The following AHCY variants were observed in gnomAD, a reference collection of about 807,000 sequenced individuals.
AHCY encodes the protein S-adenosyl-L-homocysteine hydrolase.
A neutral mutation model predicts 45.4 loss-of-function variants in AHCY; 24 were observed. The observed-to-expected ratio is 0.53, with a 90% CI of 0.38 to 0.74. The LOEUF is 0.74. Ranked by LOEUF, AHCY falls within the 30% of genes least tolerant of loss-of-function variation. The pLI is 0.00. For missense variants in AHCY, 449 were observed against 594.1 expected (o/e 0.76, Z 2.54); for synonymous variants, 245 against 235.1 (o/e 1.04, Z -0.39).
the AHCY span, among the ~76,000 whole-genome samples, chr20:34,239,837 C>T: frequency 6.6e-6 from 1 of 152,216 alleles, no homozygotes; most frequent in African/African-American, 2.4e-5. Context: ...GCACCCATCA[C>T]CACGAAAACA....
the AHCY span, among the ~76,000 whole-genome samples, chr20:34,258,688 T>TAC: frequency 3.0e-5 from 2 of 66,574 alleles, no homozygotes; most frequent in Admixed American, 2.1e-4. Context: ...TATATATATA[T>TAC]ATACATACTA....
In AHCY at chr20:34,286,789, G is replaced by A. The variant is rs1284344276; in HGVS notation, c.973-1155C>T. ...GCGGAGGTTGTGGTGAGCCAAGATC[G>A]CGCCATTGCACTCCAGCCTGGGCAA... On this transcript the variant is annotated intron_variant, in intron 8 of 9. Transcript: ENST00000217426. 5.6e-5 allele frequency among the ~76,000 whole-genome samples: 8 copies of A among 141,976 alleles called. No individual in the cohort carries two copies. The South Asian group carries it at 6.6e-4, about 12-fold the overall frequency. The allele number at this position is 141,976 out of a possible 152,430, so 93.1% of individuals were successfully genotyped here. A position where few individuals can be genotyped will look rare whatever the true frequency, so the allele number is the denominator to read the frequency against.
the AHCY span, chr20:34,235,008 A>C: frequency 6.6e-6 from 1 of 152,254 alleles, no homozygotes; most frequent in Non-Finnish European, 1.5e-5. Context: ...GTTGCCAGTA[A>C]GAGGCCACAT....
At chr20:34,275,549 G>A (rs1357976293), downstream of AHCY, among the ~76,000 whole-genome samples, 1 of 152,138 alleles carries the variant, frequency 6.6e-6, no homozygotes, top group Non-Finnish European at 1.5e-5. Context: ...AGGGAAAGAA[G>A]GTAACTTTCT....
At chr20:34,236,882 A>G in the AHCY span, among the ~76,000 whole-genome samples, 1 of 152,146 alleles carries the variant, frequency 6.6e-6, no homozygotes, top group African/African-American at 2.4e-5. Flanking sequence ...AAGTTTTTGT[A>G]TATGGTGTTA....
At chr20:34,239,562 A>G in the AHCY span, among the ~76,000 whole-genome samples, 1 of 152,258 alleles carries the variant, frequency 6.6e-6, no homozygotes, top group Admixed American at 6.5e-5. Flanking sequence ...GGAATGCTTC[A>G]GAGTTTTCAA....
chr20:34,281,287 T>TA, intron 9 of AHCY, 122 bp from the exon 10 acceptor site: 1 of 1,431,254 alleles, frequency 7.0e-7, no homozygotes, highest in Non-Finnish European at 9.6e-7. Context: ...GTACTCATGT[T>TA]AACTCTTTCT....
At chr20:34,263,661 C>CTT in the AHCY span, among the ~76,000 whole-genome samples, 80 of 134,448 alleles carry the variant, frequency 6.0e-4, no homozygotes, top group African/African-American at 1.9e-3. Flanking sequence ...TATTTTATGT[C>CTT]TTTTTTTTTT....
the AHCY span, among the ~76,000 whole-genome samples, chr20:34,247,196 T>C: frequency 1.3e-5 from 2 of 152,040 alleles, no homozygotes; most frequent in Non-Finnish European, 2.9e-5. Context: ...TAAATAGCTA[T>C]TTTTAGAAAA....
At chr20:34,282,100 T>TC (rs894006490) in intron 9 of AHCY, among the ~76,000 whole-genome samples, 1 of 147,880 alleles carries the variant, frequency 6.8e-6, no homozygotes, top group African/African-American at 2.4e-5. Flanking sequence ...CCCCACCGCC[T>TC]CCCCCCACCC....
chr20:34,285,767 C>T (rs2036160721), intron 8 of AHCY, 133 bp from the exon 9 acceptor site: 1 of 920,586 alleles, frequency 1.1e-6, no homozygotes, highest in Non-Finnish European at 1.7e-6. Flanking sequence ...ACCTCCAGCA[C>T]ATGGCTTAGC....
At chr20:34,294,328 C>G (rs2036503063) in intron 2 of AHCY, among the ~76,000 whole-genome samples, 172 bp from the exon 3 acceptor site, 1 of 152,144 alleles carries the variant, frequency 6.6e-6, no homozygotes, top group African/African-American at 2.4e-5. Flanking sequence ...GGAGCCAGAG[C>G]AGGGGCGAGA....
At chr20:34,302,006 G>GGT in intron 1 of AHCY, 2 of 833,154 alleles carry the variant, frequency 2.4e-6, no homozygotes, top group Non-Finnish European at 2.9e-6. Context: ...TTTTTTGTTT[G>GGT]TTTTTTTTTT....
intron 9 of AHCY, among the ~76,000 whole-genome samples, chr20:34,284,550 T>G (rs1209432877): frequency 1.3e-5 from 2 of 152,156 alleles, no homozygotes; most frequent in African/African-American, 4.8e-5. Flanking sequence ...CCCACCCAGT[T>G]ATTTTTTAAA....
Position 34,295,497 on chromosome 20 carries a change from G to A in AHCY, c.117C>T (p.Tyr39=), listed in dbSNP as rs1171120329. 3 of 1,613,948 alleles carry A rather than the reference G, an allele frequency of 1.9e-6. No individual in the cohort carries two copies. In the African/African-American group the frequency reaches 4.0e-5, roughly 22 times the overall value. The change falls in exon 2 of 10, where the codon TAC becomes TAT. Residue 39 remains tyrosine (Y), a synonymous_variant. Coordinates refer to ENST00000217426, the MANE Select transcript of AHCY (RefSeq NM_000687.4). ...MPGLMRMRER[Y]SASKPLKGAR... ...CGCCCTTCAGTGGCTTGGAGGCCGA[G>A]TACCGCTCCCGCATACGCATCAGGC...
At chr20:34,299,445 T>C (rs2036696116) in intron 1 of AHCY, among the ~76,000 whole-genome samples, 1 of 152,190 alleles carries the variant, frequency 6.6e-6, no homozygotes, top group Non-Finnish European at 1.5e-5. Context: ...GGTTCCTCTT[T>C]AGCTAACAGA....
chr20:34,251,324 G>A, the AHCY span, among the ~76,000 whole-genome samples: 2 of 151,684 alleles, frequency 1.3e-5, no homozygotes, highest in South Asian at 2.1e-4. Context: ...AGGCTGGAGT[G>A]CAGTGGCGTG....
At chr20:34,238,689 G>A in the AHCY span, among the ~76,000 whole-genome samples, 929 of 152,048 alleles carry the variant, frequency 6.1e-3, 11 homozygotes, top group Non-Finnish European at 5.5e-3. Context: ...TCCTTTGAAT[G>A]TGCCATATTT....
At chr20:34,310,873 C>T (rs545174480) in intron 1 of AHCY, among the ~76,000 whole-genome samples, 7 of 151,970 alleles carry the variant, frequency 4.6e-5, no homozygotes, top group Non-Finnish European at 7.4e-5. Context: ...TGTCTGTAAT[C>T]CCAGCACTTT....
Sources: allele counts gnomAD v4.1 joint callset (sites outside exome capture counted in the v4.1 genomes callset), GRCh38; gene constraint gnomAD v4.1.1; transcripts MANE v1.5; gene names NCBI Gene and HGNC (gene_info 2026-07-23, HGNC 2026-07-21).